Variants in CNTNAP2 observed in about 807,000 individuals in gnomAD.
CNTNAP2 encodes the protein contactin-associated protein-like 2.
CNTNAP2 carries 98 observed loss-of-function variants against 155.2 expected under a neutral mutation model. That is an observed-to-expected ratio of 0.63 (90% CI 0.54 to 0.75). CNTNAP2 has a LOEUF of 0.75. CNTNAP2 is among the 30% of genes least tolerant of loss of function. The pLI is 0.00. For synonymous variants in CNTNAP2, 651 were observed against 631.2 expected (o/e 1.03, Z -0.47); for missense variants, 1,727 against 1,688.1 (o/e 1.02, Z -0.40).
At chr7:146,612,708 TA>T (rs538716096) in intron 1 of CNTNAP2, among the ~76,000 whole-genome samples, 2 of 152,136 alleles carry the variant, frequency 1.3e-5, no homozygotes, top group South Asian at 2.1e-4. Context: ...AATTTCCCAT[TA>T]AAAAATCATA....
chr7:146,621,721 A>G (rs1385120154), intron 1 of CNTNAP2, among the ~76,000 whole-genome samples: 1 of 152,160 alleles, frequency 6.6e-6, no homozygotes, highest in Admixed American at 6.5e-5. Flanking sequence ...ACCTGGCTAA[A>G]GTAGGATTTG....
rs191110567 is a variant in CNTNAP2 at position 147,284,257 on chromosome 7, C to A, written c.1349-15884C>A. Among the ~76,000 whole-genome samples, 235 of 151,550 alleles carry A rather than the reference C, an allele frequency of 1.6e-3. 4 individuals are homozygous for A. Among genetic ancestry groups the A allele is most frequent in the Admixed American group, 0.015 (235 of 15,170 alleles). On this transcript the variant is annotated intron_variant, in intron 8 of 23. Transcript: ENST00000361727. ...TCTAGTCTTTTTTTTAAGTAGTTAGCATGAAAAGGAATCTTGTAATTCAGC... is the reference window on the plus strand; with the variant it reads ...TCTAGTCTTTTTTTTAAGTAGTTAGAATGAAAAGGAATCTTGTAATTCAGC...
intron 13 of CNTNAP2, among the ~76,000 whole-genome samples, chr7:147,775,889 G>A (rs182416070): frequency 6.6e-6 from 1 of 152,246 alleles, no homozygotes. Flanking sequence ...TGATGACTTA[G>A]GGGAATAAGA....
intron 2 of CNTNAP2, among the ~76,000 whole-genome samples, chr7:146,805,617 T>G (rs1183008348): frequency 2.6e-5 from 4 of 152,106 alleles, no homozygotes; most frequent in African/African-American, 9.7e-5. Context: ...TTTGCCCCAC[T>G]TGGGTCAAGT....
chr7:147,982,333 A>G (rs1801545649), intron 15 of CNTNAP2, among the ~76,000 whole-genome samples: 1 of 152,210 alleles, frequency 6.6e-6, no homozygotes, highest in African/African-American at 2.4e-5. Context: ...TTTTCAGTAA[A>G]CCTGGGTAGA....
intron 1 of CNTNAP2, among the ~76,000 whole-genome samples, chr7:146,711,211 T>C (rs371685835): frequency 3.4e-5 from 5 of 148,220 alleles, no homozygotes; most frequent in East Asian, 2.0e-4. Flanking sequence ...TACACACACA[T>C]ACACATATAT....
At chr7:146,827,122 A>G (rs1199982895) in intron 2 of CNTNAP2, among the ~76,000 whole-genome samples, 1 of 151,980 alleles carries the variant, frequency 6.6e-6, no homozygotes, top group Non-Finnish European at 1.5e-5. Flanking sequence ...TATTTCCAGG[A>G]TATAATTAAT....
chr7:147,890,496 A>G (rs1160014384), intron 13 of CNTNAP2, among the ~76,000 whole-genome samples: 3 of 152,194 alleles, frequency 2.0e-5, no homozygotes, highest in Non-Finnish European at 4.4e-5. Flanking sequence ...CCTGCTATGT[A>G]TTTTTTAAAA....
chr7:147,455,290 A>G (rs1322090514), intron 10 of CNTNAP2, among the ~76,000 whole-genome samples: 3 of 152,122 alleles, frequency 2.0e-5, no homozygotes, highest in African/African-American at 7.2e-5. Context: ...TTCCACATCT[A>G]TGTTTTCACT....
At chr7:147,161,921 A>C (rs747183013) in intron 8 of CNTNAP2, 2 of 152,170 alleles carry the variant, frequency 1.3e-5, no homozygotes, top group Admixed American at 6.5e-5. Context: ...GAGAGCACAG[A>C]AAGGGTGGAT....
At chr7:147,548,280 T>A (rs1040977277) in intron 11 of CNTNAP2, among the ~76,000 whole-genome samples, 1 of 152,202 alleles carries the variant, frequency 6.6e-6, no homozygotes, top group African/African-American at 2.4e-5. Flanking sequence ...GTTTTCTGAC[T>A]TTTTAATAAT....
chr7:147,618,625 A>G (rs895916384), intron 12 of CNTNAP2, among the ~76,000 whole-genome samples: 4 of 146,484 alleles, frequency 2.7e-5, no homozygotes, highest in African/African-American at 8.0e-5. Context: ...GAATCAGGAA[A>G]CAGCTATAAA....
intron 1 of CNTNAP2, among the ~76,000 whole-genome samples, chr7:146,316,997 A>T (rs1436054997): frequency 6.6e-6 from 1 of 152,166 alleles, no homozygotes; most frequent in African/African-American, 2.4e-5. Context: ...AAACACTTTC[A>T]ATTGAAAATT....
intron 1 of CNTNAP2, among the ~76,000 whole-genome samples, chr7:146,563,062 C>T (rs994409189): frequency 6.6e-6 from 1 of 152,130 alleles, no homozygotes; most frequent in Non-Finnish European, 1.5e-5. Context: ...GCTAGTTGCA[C>T]ACACAGAATT....
chr7:146,246,975 A>G (rs1453000439), intron 1 of CNTNAP2, among the ~76,000 whole-genome samples: 3 of 152,224 alleles, frequency 2.0e-5, no homozygotes, highest in East Asian at 1.9e-4. Context: ...ACTTTTTTCT[A>G]TTATTGTACA....
At chr7:146,222,892 C>G (rs1462987288) in intron 1 of CNTNAP2, among the ~76,000 whole-genome samples, 1 of 151,936 alleles carries the variant, frequency 6.6e-6, no homozygotes, top group Non-Finnish European at 1.5e-5. Flanking sequence ...ATCTCCTGAC[C>G]TCATGATCCG....
intron 1 of CNTNAP2, among the ~76,000 whole-genome samples, chr7:146,297,892 C>T (rs1390975890): frequency 6.6e-6 from 1 of 152,032 alleles, no homozygotes; most frequent in Non-Finnish European, 1.5e-5. Context: ...CCCTTGCATA[C>T]ACAGACACAC....
chr7:147,258,952 G>A (rs752976123), intron 8 of CNTNAP2, among the ~76,000 whole-genome samples: 3 of 152,162 alleles, frequency 2.0e-5, no homozygotes, highest in Non-Finnish European at 4.4e-5. Flanking sequence ...TAAAGCTTCA[G>A]AGTGAAAGCA....
At position 148,141,034 on chromosome 7, in the gene CNTNAP2, G is replaced by A. The variant is rs79297007; in HGVS notation, c.2555-6457G>A. On this transcript the variant is annotated intron_variant, in intron 16 of 23. Coordinates refer to ENST00000361727, the MANE Select transcript of CNTNAP2 (RefSeq NM_014141.6). Reference sequence around the variant, plus strand: ...AAAGTAAGATTCCAGGACCACTTGCGTCAGAATCACCTGGCATTAACAAAA... The same window carrying A: ...AAAGTAAGATTCCAGGACCACTTGCATCAGAATCACCTGGCATTAACAAAA... 5.3e-4 allele frequency among the ~76,000 whole-genome samples: 81 copies of A among 152,232 alleles called. No homozygotes were observed. The East Asian group carries it at 5.8e-3, about 11-fold the overall frequency.
Sources: allele counts gnomAD v4.1 joint callset (sites outside exome capture counted in the v4.1 genomes callset), GRCh38; gene constraint gnomAD v4.1.1; transcripts MANE v1.5; gene names NCBI Gene and HGNC (gene_info 2026-07-23, HGNC 2026-07-21).